The following MRPS28 variants were observed in gnomAD, a reference collection of about 807,000 sequenced individuals.
MRPS28 encodes small ribosomal subunit protein bS1m.
In MRPS28, 7 loss-of-function variants were observed where a neutral mutation model predicts 10.8. That is an observed-to-expected ratio of 0.65 (90% CI 0.37 to 1.22). The LOEUF (loss-of-function observed/expected upper bound fraction) is 1.22. Among genes scored for constraint, MRPS28 ranks in the 50% most tolerant of loss-of-function variants. MRPS28 has a pLI of 0.02. For synonymous variants in MRPS28, 121 were observed against 93.3 expected (o/e 1.30, Z -1.71); for missense variants, 265 against 232.9 (o/e 1.14, Z -0.90).
At chr8:79,943,583 A>G (rs1806825285) in intron 2 of MRPS28, among the ~76,000 whole-genome samples, 1 of 152,212 alleles carries the variant, frequency 6.6e-6, no homozygotes, top group African/African-American at 2.4e-5. Flanking sequence ...CATATTAAAC[A>G]GTGTTATAAT....
chr8:80,029,900 C>T, intron 1 of MRPS28, 136 bp downstream of exon 1: 1 of 1,536,240 alleles, frequency 6.5e-7, no homozygotes, highest in Admixed American at 2.0e-5. Context: ...TGAGCCACAA[C>T]GCACCGCAAC....
chr8:79,926,567 T>A (rs61682359), intron 2 of MRPS28, among the ~76,000 whole-genome samples: 2 of 152,210 alleles, frequency 1.3e-5, no homozygotes, highest in East Asian at 3.8e-4. Context: ...ACTTCAAATA[T>A]GGTTTTACTA....
chr8:79,936,180 T>C (rs7828385), intron 2 of MRPS28, among the ~76,000 whole-genome samples: 1,548 of 151,624 alleles, frequency 0.01, 12 homozygotes, highest in African/African-American at 0.015. Context: ...ATTTAAAAAT[T>C]AGCCAAGCAT....
intron 2 of MRPS28, among the ~76,000 whole-genome samples, chr8:79,980,287 G>C (rs990083325): frequency 5.9e-5 from 9 of 152,128 alleles, no homozygotes; most frequent in African/African-American, 2.2e-4. Context: ...GTTAGGAGTA[G>C]AGCCAGGATT....
At chr8:79,930,164 G>T (rs1306535267) in intron 2 of MRPS28, among the ~76,000 whole-genome samples, 1 of 152,164 alleles carries the variant, frequency 6.6e-6, no homozygotes, top group Non-Finnish European at 1.5e-5. Flanking sequence ...GATTATTCTG[G>T]ACATGATTTC....
chr8:79,954,759 G>A (rs546532764), intron 2 of MRPS28, among the ~76,000 whole-genome samples: 2 of 152,114 alleles, frequency 1.3e-5, no homozygotes, highest in African/African-American at 4.8e-5. Context: ...TTAAACCAAA[G>A]CCACACCTAC....
At chr8:80,005,522 C>T in intron 1 of MRPS28, among the ~76,000 whole-genome samples, 1 of 152,222 alleles carries the variant, frequency 6.6e-6, no homozygotes, top group Non-Finnish European at 1.5e-5. Context: ...GTACCAGACA[C>T]TGCAAAAACA....
chr8:79,947,779 T>G lies in MRPS28; in HGVS notation c.396-28631A>C, dbSNP rs576440191. Among the ~76,000 whole-genome samples the G allele has an allele frequency of 5.0e-4, 75 of 150,860 alleles. 1 individual carries two copies. The highest frequency in any genetic ancestry group is 1.6e-3 in the African/African-American group (68 of 41,242). On this transcript the variant is annotated intron_variant, in intron 2 of 2. Transcript: ENST00000276585. The stretch of plus-strand genomic sequence containing the variant: ...CCTCCCGAGTAGCTGGGACTACAGG[T>G]GCCTACCACTACGCCCGGCTAATTT...
At chr8:79,975,024 C>G (rs185122962) in intron 2 of MRPS28, among the ~76,000 whole-genome samples, 1 of 152,250 alleles carries the variant, frequency 6.6e-6, no homozygotes, top group Non-Finnish European at 1.5e-5. Context: ...GTAGCTCACA[C>G]GTATAATCCC....
intron 2 of MRPS28, among the ~76,000 whole-genome samples, chr8:79,966,758 T>C (rs1807512763): frequency 6.6e-6 from 1 of 152,180 alleles, no homozygotes; most frequent in African/African-American, 2.4e-5. Context: ...TTGTCATTCA[T>C]AGAATACTCA....
At chr8:79,941,721 GA>G (rs1806776579) in intron 2 of MRPS28, among the ~76,000 whole-genome samples, 1 of 152,140 alleles carries the variant, frequency 6.6e-6, no homozygotes, top group African/African-American at 2.4e-5. Flanking sequence ...TTTAAATGCT[GA>G]AAAGTTTAAT....
At chr8:79,992,703 C>A (rs911140985) in intron 2 of MRPS28, among the ~76,000 whole-genome samples, 1 of 152,156 alleles carries the variant, frequency 6.6e-6, no homozygotes, top group African/African-American at 2.4e-5. Context: ...TAGACACATA[C>A]CCTGAAAGTG....
chr8:80,005,506 C>T (rs972049373), intron 1 of MRPS28, among the ~76,000 whole-genome samples: 1 of 152,204 alleles, frequency 6.6e-6, no homozygotes, highest in African/African-American at 2.4e-5. Flanking sequence ...TGGAAAGGAA[C>T]AACCGGTACC....
rs61633169 is a variant in MRPS28, at chr8:79,979,915, C to CAAAAAAAA, written c.395+23076_395+23083dup. ...GCCACTAACATTCAGGATTCTCACG[C>CAAAAAAAA]AAAAAAAAAAAAAAAAAAAAAAAAA... On this transcript the variant is annotated intron_variant, in intron 2 of 2. Coordinates refer to ENST00000276585, the MANE Select transcript of MRPS28 (RefSeq NM_014018.3). 3.2e-4 allele frequency among the ~76,000 whole-genome samples: 10 copies of CAAAAAAAA among 31,356 alleles called. 3 individuals carry two copies. Among genetic ancestry groups the CAAAAAAAA allele is most frequent in the African/African-American group, 4.0e-4 (4 of 10,036 alleles). The allele number at this position is 31,356 out of a possible 152,430, so 20.6% of individuals were successfully genotyped here. A position where few individuals can be genotyped will look rare whatever the true frequency, so the allele number is the denominator to read the frequency against.
At chr8:79,986,162 C>T (rs1411506446) in intron 2 of MRPS28, among the ~76,000 whole-genome samples, 1 of 152,078 alleles carries the variant, frequency 6.6e-6, no homozygotes, top group Non-Finnish European at 1.5e-5. Context: ...ATAAACAGAA[C>T]CAAAGACAAA....
At chr8:80,002,893 A>G in intron 2 of MRPS28, 106 bp downstream of exon 2, 2 of 968,290 alleles carry the variant, frequency 2.1e-6, no homozygotes, top group South Asian at 2.1e-5. Context: ...AGACAAATAA[A>G]TATGTTTTCT....
chr8:80,009,556 C>T (rs963973057), intron 1 of MRPS28, among the ~76,000 whole-genome samples: 2 of 151,804 alleles, frequency 1.3e-5, no homozygotes, highest in Admixed American at 6.6e-5. Context: ...GCAGAGGTTA[C>T]GGTGAGCCGA....
chr8:79,982,755 AGCCGGG>A (rs1808004232), intron 2 of MRPS28, among the ~76,000 whole-genome samples: 1 of 152,218 alleles, frequency 6.6e-6, no homozygotes, highest in South Asian at 2.1e-4. Flanking sequence ...TAAACAAAGC[AGCCGGG>A]AAGCTCGAAC....
intron 1 of MRPS28, among the ~76,000 whole-genome samples, chr8:80,019,000 T>C (rs1260498906): frequency 6.6e-6 from 1 of 151,750 alleles, no homozygotes; most frequent in Admixed American, 6.6e-5. Context: ...CTGGGAAGGG[T>C]ATTGGGGGTT....
Sources: gnomAD v4.1 joint callset for allele counts (sites outside exome capture counted in the v4.1 genomes callset) on GRCh38, gnomAD v4.1.1 for gene constraint, MANE v1.5 for transcripts, NCBI Gene and HGNC (gene_info 2026-07-23, HGNC 2026-07-21) for gene names.